NUP93: variants seen among roughly 807,000 people sequenced by gnomAD.
The protein encoded by NUP93 is nucleoporin 93, also known as nuclear pore complex protein Nup93.
Under a neutral mutation model 107.8 loss-of-function variants are expected in NUP93, and 55 were observed. The ratio of observed to expected loss-of-function variants is 0.51; its 90% CI spans 0.41 to 0.64. NUP93 has a LOEUF of 0.64. NUP93 is among the 30% of genes least tolerant of loss of function. NUP93 has a pLI of 0.00. For synonymous variants in NUP93, 390 were observed against 397.5 expected, an observed-to-expected ratio of 0.98 and a Z score of 0.22; for missense variants, 937 against 1,044.7, an observed-to-expected ratio of 0.90 and a Z score of 1.42.
Position 56,768,694 on chromosome 16 carries a change from G to A in NUP93, c.297+10039G>A, listed in dbSNP as rs1353421000. ...ATCCTGGCTAACACGGTGAAACCCT[G>A]TCTCTACTAAAAAATACAAAAAATT... On this transcript the variant is annotated intron_variant, in intron 3 of 21. Coordinates refer to ENST00000308159, the MANE Select transcript of NUP93 (RefSeq NM_014669.5). Among the ~76,000 whole-genome samples the A allele has an allele frequency of 8.0e-5, 12 of 149,178 alleles. 1 individual carries two copies. Among genetic ancestry groups the A allele is most frequent in the South Asian group, 4.2e-4 (2 of 4,726 alleles).
At chr16:56,823,870 G>A (rs1435295270) in intron 8 of NUP93, 24 bp downstream of exon 8, 1 of 1,607,788 alleles carries the variant, frequency 6.2e-7, no homozygotes, top group African/African-American at 1.3e-5. Flanking sequence ...AGCACAGTGG[G>A]GCTGGCTTTC....
At chr16:56,818,620 T>C (rs1963482221) in intron 5 of NUP93, 44 bp from the exon 6 acceptor site, 1 of 1,445,556 alleles carries the variant, frequency 6.9e-7, no homozygotes, top group Non-Finnish European at 9.7e-7. Context: ...TTCACATGAC[T>C]GAATACTGTC....
At chr16:56,810,638 C>G (rs1245442253) in intron 5 of NUP93, among the ~76,000 whole-genome samples, 2 of 152,074 alleles carry the variant, frequency 1.3e-5, no homozygotes, top group African/African-American at 2.4e-5. Flanking sequence ...CAGTGAGACT[C>G]TGTCTCAAAA....
intron 3 of NUP93, among the ~76,000 whole-genome samples, chr16:56,767,079 T>C (rs1203236623): frequency 1.3e-5 from 2 of 152,246 alleles, no homozygotes; most frequent in East Asian, 3.8e-4. Flanking sequence ...AAGCCCAGGT[T>C]GCTGACAGCC....
intron 3 of NUP93, among the ~76,000 whole-genome samples, chr16:56,786,694 C>T (rs557237730): frequency 2.0e-5 from 3 of 152,262 alleles, no homozygotes; most frequent in Admixed American, 1.3e-4. Context: ...TCGGCATGAA[C>T]GGTGAAGTCT....
chr16:56,748,691 G>C lies in NUP93; in HGVS notation c.179+265G>C, dbSNP rs141143626. On this transcript the variant is annotated intron_variant, in intron 2 of 21. Coordinates refer to ENST00000308159, the MANE Select transcript of NUP93 (RefSeq NM_014669.5). The stretch of plus-strand genomic sequence containing the variant: ...AGGTGGGAGGGGGTGAAAGAGCCCT[G>C]TCATGCTGAATCTGGTCACAGAAGT... Among the ~76,000 whole-genome samples the C allele has an allele frequency of 1.3e-4, 20 of 152,246 alleles. 1 individual carries two copies. Among genetic ancestry groups the C allele is most frequent in the African/African-American group, 4.6e-4 (19 of 41,554 alleles).
intron 20 of NUP93, chr16:56,839,854 G>C: frequency 2.2e-6 from 1 of 460,228 alleles, no homozygotes; most frequent in Admixed American, 3.7e-5. Flanking sequence ...GTTCTTGGGA[G>C]AAACAGGTTT....
chr16:56,778,181 A>G (rs1380812786), intron 3 of NUP93, among the ~76,000 whole-genome samples: 7 of 152,220 alleles, frequency 4.6e-5, no homozygotes, highest in African/African-American at 1.7e-4. Flanking sequence ...TAACGAATGA[A>G]TTCTGGGGTA....
intron 7 of NUP93, among the ~76,000 whole-genome samples, chr16:56,823,172 G>A (rs1963584010): frequency 6.6e-6 from 1 of 152,164 alleles, no homozygotes; most frequent in Non-Finnish European, 1.5e-5. Flanking sequence ...GAGTGAGTGG[G>A]AAGGAAAATG....
chr16:56,812,263 T>C (rs116431296), intron 5 of NUP93, among the ~76,000 whole-genome samples: 10 of 152,280 alleles, frequency 6.6e-5, no homozygotes, highest in African/African-American at 2.4e-4. Context: ...AAACATGTTT[T>C]TCCCCCACAC....
chr16:56,832,484 T>G (rs1963816380), intron 12 of NUP93, 96 bp downstream of exon 12: 1 of 913,338 alleles, frequency 1.1e-6, no homozygotes, highest in Non-Finnish European at 1.8e-6. Context: ...TCTGAACTTT[T>G]GTCTTTCTTC....
At chr16:56,805,208 C>T (rs1170947534) in intron 4 of NUP93, among the ~76,000 whole-genome samples, 2 of 152,104 alleles carry the variant, frequency 1.3e-5, no homozygotes, top group Non-Finnish European at 1.5e-5. Context: ...CAGGTGTACA[C>T]CACCGTGCCC....
intron 3 of NUP93, among the ~76,000 whole-genome samples, chr16:56,778,655 C>T (rs1211562404): frequency 2.0e-5 from 3 of 152,074 alleles, no homozygotes; most frequent in African/African-American, 7.2e-5. Context: ...TCAGAAATTA[C>T]GTGAGGTTTG....
At chr16:56,835,610 C>T (rs1243590992) in intron 16 of NUP93, among the ~76,000 whole-genome samples, 10 of 152,240 alleles carry the variant, frequency 6.6e-5, no homozygotes, top group Non-Finnish European at 1.2e-4. Flanking sequence ...TAGATAAGAC[C>T]TTATCCTCTG....
chr16:56,849,060 G>A lies in NUP93; in HGVS notation c.*4451G>A, dbSNP rs931386797. On this transcript the variant is annotated 3_prime_UTR_variant, in exon 22 of 22. Transcript: ENST00000308159. Reference sequence around the variant, plus strand: ...GATTGCTCAGCAGATATTTGAATGAGCAGATGCTTTGCTTTGTCCTCCTGT... The same window carrying A: ...GATTGCTCAGCAGATATTTGAATGAACAGATGCTTTGCTTTGTCCTCCTGT... The A allele has an allele frequency of 1.3e-5, 2 of 152,252 alleles. No individual in the cohort carries two copies. The highest frequency in any genetic ancestry group is 2.9e-5 in the Non-Finnish European group (2 of 68,072). The allele number at this position is 152,252 out of a possible 1,614,324, so 9.4% of individuals were successfully genotyped here. A position where few individuals can be genotyped will look rare whatever the true frequency, so the allele number is the denominator to read the frequency against.
chr16:56,756,289 C>T (rs1962017875), intron 2 of NUP93, among the ~76,000 whole-genome samples: 2 of 103,220 alleles, frequency 1.9e-5, no homozygotes, highest in Non-Finnish European at 4.0e-5. Flanking sequence ...TGCTCTCTCT[C>T]TCCTTGCCCC....
At chr16:56,818,887 A>G (rs1963489118) in intron 6 of NUP93, 149 bp downstream of exon 6, 1 of 632,424 alleles carries the variant, frequency 1.6e-6, no homozygotes, top group Non-Finnish European at 2.8e-6. Context: ...AGCATAGGCC[A>G]CTGGAGAATT....
chr16:56,820,372 C>T (rs12930486), intron 6 of NUP93, among the ~76,000 whole-genome samples: 42,965 of 152,132 alleles, frequency 0.28, 6,271 homozygotes, highest in Admixed American at 0.32. Context: ...TGCAGTGGTG[C>T]GATCTCAGCT....
At position 56,834,378 on chromosome 16, in the gene NUP93, A is replaced by G; in HGVS notation, c.1673A>G (p.Lys558Arg). The G allele has an allele frequency of 1.2e-6, 2 of 1,614,196 alleles. No homozygotes were observed. Among genetic ancestry groups the G allele is most frequent in the Non-Finnish European group, 8.5e-7 (1 of 1,180,028 alleles). Residue 558 changes from lysine (K) to arginine (R), a missense_variant, in exon 15 of 22, where the codon AAA (lysine) becomes AGA (arginine). By Grantham distance (26) the Lys-to-Arg change is conservative (BLOSUM62 2). Coordinates refer to ENST00000308159, the MANE Select transcript of NUP93 (RefSeq NM_014669.5). ...GTTTATTTCCCTTACAGGGATGAGA[A>G]AGATAGTCAAGGAGAAAACATGTTT... Reference protein sequence around the residue: ...LQYFYFLRDEKDSQGENMFLR... With the variant: ...LQYFYFLRDERDSQGENMFLR...
Sources: allele counts gnomAD v4.1 joint callset (sites outside exome capture counted in the v4.1 genomes callset), GRCh38; gene constraint gnomAD v4.1.1; transcripts MANE v1.5; gene names NCBI Gene and HGNC (gene_info 2026-07-23, HGNC 2026-07-21).